GABBR2: variants seen among roughly 807,000 people sequenced by gnomAD.
GABBR2 encodes the protein G-protein coupled receptor 51.
Under a neutral mutation model 105.6 loss-of-function variants are expected in GABBR2, and 23 were observed. That is an observed-to-expected ratio of 0.22 (90% CI 0.16 to 0.31). The LOEUF is 0.31. Ranked by LOEUF, GABBR2 falls within the 10% of genes least tolerant of loss-of-function variation. The pLI, the probability that GABBR2 is intolerant of heterozygous loss-of-function variation, is 1.00. For missense variants in GABBR2, 734 were observed against 1,245.5 expected (o/e 0.59, Z 6.18); for synonymous variants, 478 against 499.7 (o/e 0.96, Z 0.58).
chr9:98,660,692 T>C (rs1830247935), intron 1 of GABBR2, among the ~76,000 whole-genome samples: 1 of 152,212 alleles, frequency 6.6e-6, no homozygotes, highest in Non-Finnish European at 1.5e-5. Flanking sequence ...GGCTGGTTCC[T>C]TCTGGAGGCT....
intron 3 of GABBR2, among the ~76,000 whole-genome samples, chr9:98,516,920 G>A (rs1827767199): frequency 6.6e-6 from 1 of 152,238 alleles, no homozygotes; most frequent in African/African-American, 2.4e-5. Flanking sequence ...TGGTACAGGA[G>A]GGAGGCCAGC....
chr9:98,468,597 T>A (rs757144662), intron 6 of GABBR2, among the ~76,000 whole-genome samples: 1 of 152,142 alleles, frequency 6.6e-6, no homozygotes, highest in African/African-American at 2.4e-5. Flanking sequence ...AAATACAGAA[T>A]CCAACCTTGC....
intron 2 of GABBR2, among the ~76,000 whole-genome samples, chr9:98,544,018 TTCCC>T (rs1257727074): frequency 6.6e-6 from 1 of 152,070 alleles, no homozygotes; most frequent in African/African-American, 2.4e-5. Context: ...TCCTCCCTCC[TTCCC>T]TCCCTCCCTC....
chr9:98,341,461 G>A (rs1365885948), intron 13 of GABBR2, among the ~76,000 whole-genome samples: 1 of 152,242 alleles, frequency 6.6e-6, no homozygotes, highest in Non-Finnish European at 1.5e-5. Context: ...CACATTAAAA[G>A]CCTAAATACA....
At chr9:98,362,956 T>G in intron 12 of GABBR2, 119 bp from the exon 13 acceptor site, 3 of 783,770 alleles carry the variant, frequency 3.8e-6, no homozygotes, top group Non-Finnish European at 5.7e-6. Context: ...GAGAGTCTCC[T>G]GCGATTCCCC....
chr9:98,617,940 G>A (rs146078601), intron 1 of GABBR2, among the ~76,000 whole-genome samples: 4 of 152,234 alleles, frequency 2.6e-5, no homozygotes, highest in African/African-American at 9.6e-5. Flanking sequence ...CCGAGCCTCC[G>A]TTTCCTCATC....
chr9:98,421,557 TGTA>T (rs1832782938), intron 7 of GABBR2, among the ~76,000 whole-genome samples: 1 of 152,220 alleles, frequency 6.6e-6, no homozygotes, highest in African/African-American at 2.4e-5. Context: ...CTTAGAAACT[TGTA>T]GTATTTCTTT....
At chr9:98,567,765 T>G (rs1828771899) in intron 2 of GABBR2, among the ~76,000 whole-genome samples, 1 of 152,162 alleles carries the variant, frequency 6.6e-6, no homozygotes, top group African/African-American at 2.4e-5. Flanking sequence ...CTAATTCGCC[T>G]AAGTTCCCTC....
intron 17 of GABBR2, among the ~76,000 whole-genome samples, chr9:98,294,751 T>C (rs1020886348): frequency 3.3e-5 from 5 of 152,200 alleles, no homozygotes. Context: ...GTGCTAGGAT[T>C]ACAGGTGTGA....
intron 1 of GABBR2, among the ~76,000 whole-genome samples, chr9:98,671,217 G>C (rs1830403013): frequency 6.6e-6 from 1 of 151,220 alleles, no homozygotes; most frequent in Admixed American, 6.6e-5. Context: ...CTATGTATTT[G>C]CCTATTCTGG....
chr9:98,466,574 G>A (rs1395574513), intron 6 of GABBR2, among the ~76,000 whole-genome samples: 3 of 152,186 alleles, frequency 2.0e-5, no homozygotes, highest in Non-Finnish European at 4.4e-5. Context: ...AAAAGGAAGA[G>A]AATTAATATT....
chr9:98,575,584 A>G (rs571406945), intron 2 of GABBR2, among the ~76,000 whole-genome samples: 2 of 152,300 alleles, frequency 1.3e-5, no homozygotes, highest in South Asian at 4.1e-4. Flanking sequence ...GAGGCAGCAC[A>G]TGGCTCTAAC....
chr9:98,322,184 C>T (rs992298513), intron 13 of GABBR2, among the ~76,000 whole-genome samples: 1 of 152,122 alleles, frequency 6.6e-6, no homozygotes, highest in Non-Finnish European at 1.5e-5. Flanking sequence ...CCCTCTACTC[C>T]TGCCTAGCCT....
In GABBR2 at chr9:98,552,336, GCTGA is replaced by G. The variant is rs533484212; in HGVS notation, c.460-10297_460-10294del. ...TGGTTTAATCTTTTTCCACGACTTT[GCTGA>G]CTGTTTCTGTAATTAAATGAGGGAG... On this transcript the variant is annotated intron_variant, in intron 2 of 18. Transcript: ENST00000259455. Among the ~76,000 whole-genome samples, 408 of 152,240 alleles carry G rather than the reference GCTGA, an allele frequency of 2.7e-3. 1 individual carries two copies. Among genetic ancestry groups the G allele is most frequent in the Non-Finnish European group, 4.7e-3 (320 of 68,014 alleles).
intron 1 of GABBR2, among the ~76,000 whole-genome samples, chr9:98,583,886 T>C (rs1167763): frequency 0.86 from 131,466 of 152,228 alleles, 57,097 homozygotes; most frequent in Non-Finnish European, 0.92. Context: ...TTACCCTTCT[T>C]TTCCTGTGGA....
intron 3 of GABBR2, among the ~76,000 whole-genome samples, chr9:98,516,614 C>T (rs770660363): frequency 1.8e-4 from 28 of 152,258 alleles, no homozygotes; most frequent in Middle Eastern, 3.4e-3. Context: ...GGACCCTTTC[C>T]AAAATCCAAG....
At chr9:98,625,730 AT>A (rs1829728711) in intron 1 of GABBR2, among the ~76,000 whole-genome samples, 1 of 152,134 alleles carries the variant, frequency 6.6e-6, no homozygotes, top group South Asian at 2.1e-4. Context: ...GATGAATCAA[AT>A]CCATATTCTC....
At chr9:98,428,573 T>G (rs1450882525) in intron 7 of GABBR2, among the ~76,000 whole-genome samples, 1 of 152,186 alleles carries the variant, frequency 6.6e-6, no homozygotes, top group East Asian at 1.9e-4. Context: ...CTTGGCCCCA[T>G]GCTCAGCCTT....
intron 1 of GABBR2, among the ~76,000 whole-genome samples, chr9:98,697,784 T>C (rs576161934): frequency 6.2e-4 from 95 of 152,276 alleles, no homozygotes; most frequent in African/African-American, 2.2e-3. Flanking sequence ...AGAGGATGCT[T>C]TGTGGAGTGA....
Sources: allele counts gnomAD v4.1 joint callset (sites outside exome capture counted in the v4.1 genomes callset), GRCh38; gene constraint gnomAD v4.1.1; transcripts MANE v1.5; gene names NCBI Gene and HGNC (gene_info 2026-07-23, HGNC 2026-07-21).